EIF4A3: variants seen among roughly 807,000 people sequenced by gnomAD.
EIF4A3 encodes the protein eukaryotic initiation factor 4A-III.
A neutral mutation model predicts 55.6 loss-of-function variants in EIF4A3; 1 was observed. The ratio of observed to expected loss-of-function variants is 0.02; its 90% CI spans 0.01 to 0.09. The LOEUF (loss-of-function observed/expected upper bound fraction) is 0.09, where lower values mean the gene tolerates loss of function less well. Among genes scored for constraint, EIF4A3 ranks in the 10% least tolerant of loss-of-function variants. The probability of loss-of-function intolerance (pLI) is 1.00; values close to 1 mark genes in which losing one functional copy is unlikely to be tolerated. For synonymous variants in EIF4A3, 194 were observed against 196.3 expected, an observed-to-expected ratio of 0.99 and a Z score of 0.10; for missense variants, 221 against 540.7, an observed-to-expected ratio of 0.41 and a Z score of 5.86.
At chr17:80,140,317 T>C in intron 4 of EIF4A3, 177 bp from the exon 5 acceptor site, 1 of 614,636 alleles carries the variant, frequency 1.6e-6, no homozygotes. Context: ...ATTTTGCTTT[T>C]TTTTTTTTTT....
At position 80,147,009 on chromosome 17, in the gene EIF4A3, CTGCCGCTGCCGACCTCG is replaced by C. The variant is rs2039672510; in HGVS notation, c.-65_-49del. The C allele has an allele frequency of 7.2e-7, 1 of 1,386,342 alleles. No homozygotes were observed. The highest frequency in any genetic ancestry group is 1.7e-5 in the African/African-American group (1 of 57,216). The allele number at this position is 1,386,342 out of a possible 1,614,324, so 85.9% of individuals were successfully genotyped here. ...ACAGCGCGCGCCGCTGCCGACCTCG[CTGCCGCTGCCGACCTCG>C]CTGTGCCGCTGCCGACCTCGCTGCC... On this transcript the variant is annotated 5_prime_UTR_variant, in exon 1 of 12. Transcript: ENST00000649764.
At position 80,135,295 on chromosome 17, in the gene EIF4A3, G is replaced by C; in HGVS notation, c.*195C>G. Reference sequence around the variant, plus strand: ...TTAAATTTTTAATGAAAAAGACTTAGAACAATGTATTATTTACATGTAAAT... The same window carrying C: ...TTAAATTTTTAATGAAAAAGACTTACAACAATGTATTATTTACATGTAAAT... On this transcript the variant is annotated 3_prime_UTR_variant, in exon 12 of 12. Coordinates refer to ENST00000649764, the MANE Select transcript of EIF4A3 (RefSeq NM_014740.4). 1 of 548,094 alleles carries C rather than the reference G, an allele frequency of 1.8e-6. No individual in the cohort carries two copies. Among genetic ancestry groups the C allele is most frequent in the Non-Finnish European group, 3.1e-6 (1 of 324,908 alleles). 34.0% of individuals were successfully genotyped at this position (548,094 alleles called of 1,614,324 possible).
At position 80,141,241 on chromosome 17, in the gene EIF4A3, T is replaced by C. The variant is rs1429033674; in HGVS notation, c.372+78A>G. 7.6e-6 allele frequency: 11 copies of C among 1,440,404 alleles called. No homozygotes were observed. In the Admixed American group the frequency reaches 1.9e-4, roughly 25 times the overall value. 89.2% of individuals were successfully genotyped at this position (1,440,404 alleles called of 1,614,324 possible). On this transcript the variant is annotated intron_variant, in intron 4 of 11. Transcript: ENST00000649764. The stretch of plus-strand genomic sequence containing the variant: ...TATCAGAAAACAGGATTGGATTAAA[T>C]AAATAAGTCGGTGTTTCACAACTAA...
intron 11 of EIF4A3, 118 bp downstream of exon 11, chr17:80,135,886 C>T: frequency 1.4e-6 from 2 of 1,408,686 alleles, no homozygotes; most frequent in Non-Finnish European, 1.9e-6. Flanking sequence ...CAGAGCGAAA[C>T]TTCGTCTCAA....
In EIF4A3 at chr17:80,147,071, C is replaced by G. The variant is rs1025484590; in HGVS notation, c.-110G>C. On this transcript the variant is annotated 5_prime_UTR_variant, in exon 1 of 12. Transcript: ENST00000649764. The stretch of plus-strand genomic sequence containing the variant: ...GCTGCCGCTGCCGACCTCGCTGTGC[C>G]GCTGCCGACCTCGCTGTGCCGCTGC... 7.3e-7 allele frequency: 1 copy of G among 1,379,050 alleles called. No individual in the cohort carries two copies. Among genetic ancestry groups the G allele is most frequent in the Non-Finnish European group, 9.4e-7 (1 of 1,067,388 alleles). 85.4% of individuals were successfully genotyped at this position (1,379,050 alleles called of 1,614,324 possible).
chr17:80,147,032 C>CCGCTGCCGACCT lies in EIF4A3; in HGVS notation c.-83_-72dup. The stretch of plus-strand genomic sequence containing the variant: ...CGCTGCCGCTGCCGACCTCGCTGTG[C>CCGCTGCCGACCT]CGCTGCCGACCTCGCTGCCGCTGCC... On this transcript the variant is annotated 5_prime_UTR_variant, in exon 1 of 12. Coordinates refer to ENST00000649764, the MANE Select transcript of EIF4A3 (RefSeq NM_014740.4). 2 of 1,380,744 alleles carry CCGCTGCCGACCT rather than the reference C, an allele frequency of 1.4e-6. No individual in the cohort carries two copies. The allele number at this position is 1,380,744 out of a possible 1,614,324, so 85.5% of individuals were successfully genotyped here.
chr17:80,144,388 A>G, intron 1 of EIF4A3, 144 bp from the exon 2 acceptor site: 1 of 680,374 alleles, frequency 1.5e-6, no homozygotes, highest in Admixed American at 2.3e-5. Flanking sequence ...AGCTCTCAAA[A>G]CCCAGGGGCT....
chr17:80,137,121 C>A (rs941534291), intron 9 of EIF4A3: 39 of 337,224 alleles, frequency 1.2e-4, no homozygotes, highest in African/African-American at 7.6e-4. Flanking sequence ...AACCCCCCTA[C>A]TTACTGGAAA....
At chr17:80,147,119 ACCTCGCTGTGCCGCTG>A in exon 1 of EIF4A3, 1 of 1,156,816 alleles carries the variant, frequency 8.6e-7, no homozygotes, top group Non-Finnish European at 1.1e-6. Flanking sequence ...GCCGCTGCCG[ACCTCGCTGTGCCGCTG>A]CCGAGAACAG....
chr17:80,140,030 C>T lies in EIF4A3; in HGVS notation c.483G>A (p.Ala161=), dbSNP rs142591885. The change falls in exon 5 of 12, where the codon GCG becomes GCA. Residue 161 remains alanine, a synonymous_variant. Coordinates refer to ENST00000649764, the MANE Select transcript of EIF4A3 (RefSeq NM_014740.4). ...TACCAAAAACACGCCCTGGAGTGCC[C>T]GCGACAACATGCTGTCCGTAATCCA... ...RKLDYGQHVV[A]GTPGRVFDMI... 170 of 1,613,250 alleles carry T rather than the reference C, an allele frequency of 1.1e-4. No homozygotes were observed. In the Admixed American group the frequency reaches 1.7e-3, roughly 16 times the overall value.
chr17:80,141,398 T>C lies in EIF4A3; in HGVS notation c.310-17A>G. ...TTCACGAACCTGGTGAAATAATTTA[T>C]CAGAAAATAGAGAATCCGCAGTATT... On this transcript the variant is annotated splice_polypyrimidine_tract_variant and intron_variant, in intron 3 of 11. Transcript: ENST00000649764. The C allele has an allele frequency of 6.2e-7, 1 of 1,612,846 alleles. No individual in the cohort carries two copies.
intron 4 of EIF4A3, 152 bp from the exon 5 acceptor site, chr17:80,140,292 G>A: frequency 1.1e-6 from 1 of 897,290 alleles, no homozygotes; most frequent in Non-Finnish European, 1.5e-6. Flanking sequence ...TCTTTTCTCT[G>A]ACAAAAACAA....
Position 80,146,966 on chromosome 17 carries a change from C to A in EIF4A3, c.-5G>T. On this transcript the variant is annotated 5_prime_UTR_variant, in exon 1 of 12. Transcript: ENST00000649764. ...CATCGTGGCCGTGGTCGCCATGATT[C>A]AGAGTCCGCGGAAGAGCACAGCGCG... The A allele has an allele frequency of 6.2e-7, 1 of 1,602,858 alleles. No homozygotes were observed. Among genetic ancestry groups the A allele is most frequent in the Non-Finnish European group, 8.5e-7 (1 of 1,177,148 alleles).
chr17:80,139,636 G>T, intron 6 of EIF4A3, 34 bp downstream of exon 6: 1 of 1,553,176 alleles, frequency 6.4e-7, no homozygotes, highest in Non-Finnish European at 8.8e-7. Flanking sequence ...TAAGAATTAT[G>T]TCAGTAGAAG....
chr17:80,137,342 T>G, intron 9 of EIF4A3, 44 bp downstream of exon 9: 1 of 1,563,658 alleles, frequency 6.4e-7, no homozygotes, highest in South Asian at 1.1e-5. Flanking sequence ...TTAGACACAG[T>G]CTAGCAAACC....
At chr17:80,146,329 C>G (rs1054827825) in intron 1 of EIF4A3, among the ~76,000 whole-genome samples, 4 of 152,118 alleles carry the variant, frequency 2.6e-5, no homozygotes, top group Non-Finnish European at 5.9e-5. Context: ...TACTAATTCT[C>G]TCCTCCTTCC....
Position 80,136,341 on chromosome 17 carries a change from AAAAG to A in EIF4A3, c.984-10_984-7del, listed in dbSNP as rs767525111. The A allele has an allele frequency of 4.8e-5, 78 of 1,609,670 alleles. No homozygotes were observed. The highest frequency in any genetic ancestry group is 1.6e-4 in the Middle Eastern group (1 of 6,068). The stretch of plus-strand genomic sequence containing the variant: ...CTGTAGAAATAAGCACTCGGCTGCA[AAAAG>A]AAAGAGTGTTTGAGGCGATTAAATT... On this transcript the variant is annotated splice_polypyrimidine_tract_variant and splice_region_variant and intron_variant, in intron 9 of 11. Coordinates refer to ENST00000649764, the MANE Select transcript of EIF4A3 (RefSeq NM_014740.4).
intron 5 of EIF4A3, 53 bp from the exon 6 acceptor site, chr17:80,139,803 G>A: frequency 1.3e-6 from 2 of 1,573,994 alleles, no homozygotes; most frequent in African/African-American, 1.4e-5. Flanking sequence ...ATGAGATTTT[G>A]AAATAATCAC....
chr17:80,141,676 A>T, intron 3 of EIF4A3, 106 bp downstream of exon 3: 4 of 1,174,200 alleles, frequency 3.4e-6, no homozygotes, highest in Non-Finnish European at 4.9e-6. Context: ...GAGTCAATAC[A>T]TACTAGAAAA....
Sources: allele counts gnomAD v4.1 joint callset (sites outside exome capture counted in the v4.1 genomes callset), GRCh38; gene constraint gnomAD v4.1.1; transcripts MANE v1.5; gene names NCBI Gene and HGNC (gene_info 2026-07-23, HGNC 2026-07-21).